CD81: variants seen among roughly 807,000 people sequenced by gnomAD.
The protein encoded by CD81 is CD81 molecule, also known as CD81 antigen.
CD81 carries 10 observed loss-of-function variants against 30.1 expected under a neutral mutation model. The observed-to-expected ratio is 0.33, with a 90% confidence interval of 0.21 to 0.56. The LOEUF (loss-of-function observed/expected upper bound fraction) is 0.56. CD81 is among the 20% of genes least tolerant of loss of function. The pLI is 0.89. For synonymous variants in CD81, 147 were observed against 126.4 expected, an observed-to-expected ratio of 1.16 and a Z score of -1.10; for missense variants, 263 against 308.7, an observed-to-expected ratio of 0.85 and a Z score of 1.11.
chr11:2,390,937 G>A (rs895148559), intron 2 of CD81: 11 of 315,466 alleles, frequency 3.5e-5, no homozygotes, highest in Admixed American at 3.4e-4. Context: ...GGGTGGAGAC[G>A]GGGCAGGGGA....
rs367834045 is a variant in CD81, at chr11:2,394,963, C to T, written c.280-9C>T. ...CTCTTTCCTCCCTCTGGCCACTGCC[C>T]GGCTCCAGTTCTTCACCTGCCTGGT... is the stretch of plus-strand genomic sequence containing the variant. On this transcript the variant is annotated splice_polypyrimidine_tract_variant and intron_variant, in intron 3 of 7. Transcript: ENST00000263645. The T allele has an allele frequency of 7.9e-5, 127 of 1,612,166 alleles. No homozygotes were observed. Among genetic ancestry groups the T allele is most frequent in the Non-Finnish European group, 9.7e-5 (115 of 1,179,714 alleles).
chr11:2,395,821 T>TC (rs1348952671), intron 5 of CD81, 48 bp from the exon 6 acceptor site: 12 of 1,303,970 alleles, frequency 9.2e-6, no homozygotes, highest in Admixed American at 1.7e-5. Context: ...AGAGCCACCG[T>TC]CCCCCTGGGC....
chr11:2,384,332 AAG>A (rs1849750734), intron 1 of CD81, among the ~76,000 whole-genome samples: 1 of 38,018 alleles, frequency 2.6e-5, no homozygotes, highest in South Asian at 1.0e-3. Flanking sequence ...GTGTCTCGGG[AAG>A]CGGGGCGTCT....
At position 2,390,454 on chromosome 11, in the gene CD81, C is replaced by T; in HGVS notation, c.109C>T (p.His37Tyr). ...CCTGGGTGTGGCCCTGTGGCTCCGC[C>T]ATGACCCGCAGACCACCAACCTCCT... ...VILGVALWLRHDPQTTNLLYL... is the reference protein window; with the variant it reads ...VILGVALWLRYDPQTTNLLYL... The change falls in exon 2 of 8, where the codon CAT becomes TAT. Residue 37 changes from histidine to tyrosine, a missense_variant. By Grantham distance (83) the His-to-Tyr change is moderately conservative. Transcript: ENST00000263645. 1.2e-6 allele frequency: 2 copies of T among 1,612,966 alleles called. No homozygotes were observed. The highest frequency in any genetic ancestry group is 1.7e-6 in the Non-Finnish European group (2 of 1,180,008).
intron 6 of CD81, 150 bp downstream of exon 6, chr11:2,396,120 T>TG: frequency 2.2e-6 from 1 of 447,192 alleles, no homozygotes. Context: ...CTGGGAGGGT[T>TG]GGGGTGGGAC....
rs1443148738 is a variant in CD81 at position 2,378,956 on chromosome 11, C to T, written c.66+1341C>T. On this transcript the variant is annotated intron_variant, in intron 1 of 7. Coordinates refer to ENST00000263645, the MANE Select transcript of CD81 (RefSeq NM_004356.4). The surrounding 1 kb of genome is among the most constrained non-coding windows in gnomAD (Gnocchi z 4.9). ...AGCTGGGAGATGAGTGGGGCAGTCA[C>T]ATCCCACCTTCCCCAAGCCGGGCTG... Among the ~76,000 whole-genome samples, 2 of 152,242 alleles carry T rather than the reference C, an allele frequency of 1.3e-5. No individual in the cohort carries two copies. Among genetic ancestry groups the T allele is most frequent in the African/African-American group, 4.8e-5 (2 of 41,466 alleles).
At chr11:2,396,198 T>G (rs895765604) in intron 6 of CD81, 3 of 606,378 alleles carry the variant, frequency 4.9e-6, no homozygotes, top group Non-Finnish European at 9.0e-6. Context: ...GTGGAGGCTC[T>G]GGGGGGTGGG....
intron 1 of CD81, chr11:2,386,475 T>C (rs1029137505): frequency 4.3e-6 from 3 of 699,946 alleles, no homozygotes; most frequent in African/African-American, 3.5e-5. Flanking sequence ...CCCTCGTAGG[T>C]GGCCCTAGGG....
upstream of CD81, chr11:2,377,183 C>A (rs1386836167): frequency 1.3e-5 from 2 of 152,576 alleles, no homozygotes; most frequent in Non-Finnish European, 2.9e-5. This position sits in a 1 kb window ranked among gnomAD's most constrained non-coding sequence, Gnocchi z 7.7. Flanking sequence ...CGACCCCATA[C>A]CCCTCGGCTG....
intron 5 of CD81, 110 bp downstream of exon 5, chr11:2,395,630 C>T: frequency 1.1e-6 from 1 of 894,282 alleles, no homozygotes; most frequent in Non-Finnish European, 1.8e-6. Context: ...CAGGAGGTGC[C>T]CTTGGGACCT....
At chr11:2,384,336 G>A (rs1849750868) in intron 1 of CD81, among the ~76,000 whole-genome samples, 1 of 141,686 alleles carries the variant, frequency 7.1e-6, no homozygotes, top group South Asian at 2.4e-4. Context: ...CTCGGGAAGC[G>A]GGGCGTCTCG....
In CD81 at chr11:2,377,637, G is replaced by A. The variant is rs764174461; in HGVS notation, c.66+22G>A. 2 of 1,472,194 alleles carry A rather than the reference G, an allele frequency of 1.4e-6. No individual in the cohort carries two copies. Among genetic ancestry groups the A allele is most frequent in the Non-Finnish European group, 1.8e-6 (2 of 1,082,294 alleles). 91.2% of individuals were successfully genotyped at this position (1,472,194 alleles called of 1,614,324 possible). A position where few individuals can be genotyped will look rare whatever the true frequency, so the allele number is the denominator to read the frequency against. On this transcript the variant is annotated intron_variant, in intron 1 of 7. Transcript: ENST00000263645. The surrounding 1 kb of genome is among the most constrained non-coding windows in gnomAD (Gnocchi z 7.7). ...CTGGGTAAGGGCTGCGCCGGGGGCC[G>A]GGGCGGGAGGGGGCAGGCACACACT...
intron 6 of CD81, 70 bp from the exon 7 acceptor site, chr11:2,396,558 A>G: frequency 3.1e-6 from 4 of 1,272,740 alleles, no homozygotes; most frequent in Non-Finnish European, 4.5e-6. Context: ...ACCACGGATT[A>G]CTGCGTGACA....
At chr11:2,389,728 C>G (rs1849862700) in intron 1 of CD81, among the ~76,000 whole-genome samples, 1 of 150,356 alleles carries the variant, frequency 6.7e-6, no homozygotes, top group African/African-American at 2.5e-5. Flanking sequence ...CCTCCCAAGT[C>G]CCTTCCCAGG....
chr11:2,384,134 G>A (rs1849745046), intron 1 of CD81, among the ~76,000 whole-genome samples: 1 of 152,154 alleles, frequency 6.6e-6, no homozygotes, highest in African/African-American at 2.4e-5. Flanking sequence ...TAATTCCCAG[G>A]AAGGAGAAAG....
chr11:2,394,261 G>A (rs563056285), intron 3 of CD81, 69 bp downstream of exon 3: 19 of 1,053,774 alleles, frequency 1.8e-5, no homozygotes, highest in Non-Finnish European at 2.6e-5. Context: ...CCCTGAGGAG[G>A]GGGCAGAGCT....
intron 1 of CD81, chr11:2,385,520 G>T: frequency 1.2e-5 from 3 of 260,226 alleles, no homozygotes; most frequent in Non-Finnish European, 2.3e-5. Context: ...CTATGCACCC[G>T]TGCTGTGGCG....
At chr11:2,386,501 C>A in intron 1 of CD81, 1 of 712,414 alleles carries the variant, frequency 1.4e-6, no homozygotes, top group Non-Finnish European at 2.6e-6. Flanking sequence ...CCTCCGCCTC[C>A]GTTTCCTCAT....
At chr11:2,396,772 T>G (rs183128633) in intron 7 of CD81, 32 bp from the exon 8 acceptor site, 1 of 1,612,198 alleles carries the variant, frequency 6.2e-7, no homozygotes, top group Non-Finnish European at 8.5e-7. Context: ...CGGGGCCTTG[T>G]GCTGACTGCG....
Sources: gnomAD v4.1 joint callset for allele counts (sites outside exome capture counted in the v4.1 genomes callset) on GRCh38, gnomAD v4.1.1 for gene constraint, Gnocchi (gnomAD v3.1) non-coding constraint, MANE v1.5 for transcripts, NCBI Gene and HGNC (gene_info 2026-07-23, HGNC 2026-07-21) for gene names.